The following MYO15A variants were observed in gnomAD, a reference collection of about 807,000 sequenced individuals.
MYO15A encodes the protein unconventional myosin-XV.
Under a neutral mutation model 394.6 loss-of-function variants are expected in MYO15A, and 308 were observed. The ratio of observed to expected loss-of-function variants is 0.78; its 90% CI spans 0.71 to 0.86. The LOEUF (loss-of-function observed/expected upper bound fraction) is 0.86, where lower values mean the gene tolerates loss of function less well. MYO15A is among the 40% of genes least tolerant of loss of function. The pLI is 0.00. For synonymous variants in MYO15A, 1,957 were observed against 2,003.8 expected (o/e 0.98, Z 0.62); for missense variants, 4,606 against 4,799.1 (o/e 0.96, Z 1.19).
chr17:18,141,888 G>A (rs1016367883), intron 23 of MYO15A, 118 bp downstream of exon 23: 24 of 1,250,572 alleles, frequency 1.9e-5, no homozygotes, highest in Non-Finnish European at 2.8e-5. Context: ...AGATGAGCTT[G>A]GGATATGGAA....
At position 18,137,661 on chromosome 17, in the gene MYO15A, C is replaced by G; in HGVS notation, c.4857C>G (p.Ile1619Met). ...ACCTTCAGTACCTTTTCAACAAGAT[C>G]GTCTTCCAGGAGGAGCAGGTGTGTG... ...NENLQYLFNK[I>M]VFQEEQEEYI... The change falls in exon 16 of 66, where the codon ATC becomes ATG. Residue 1619 changes from isoleucine (I) to methionine (M), a missense_variant. This residue lies in a region of MYO15A where 2,776 missense variants were observed against 3,109.3 expected (regional missense o/e 0.89). Transcript: ENST00000647165. 1 of 1,614,138 alleles carries G rather than the reference C, an allele frequency of 6.2e-7. No individual in the cohort carries two copies. The highest frequency in any genetic ancestry group is 2.2e-5 in the East Asian group (1 of 44,876).
In MYO15A at chr17:18,141,019, G is replaced by A. The variant is rs1303083059; in HGVS notation, c.5407G>A (p.Glu1803Lys). 4 of 1,613,900 alleles carry A rather than the reference G, an allele frequency of 2.5e-6. No individual in the cohort carries two copies. The South Asian group carries it at 4.4e-5, about 18-fold the overall frequency. Residue 1803 changes from glutamate (E) to lysine (K), a missense_variant and splice_region_variant, in exon 22 of 66, where the codon GAG becomes AAG. Physicochemically the swap from Glu to Lys is moderately conservative, Grantham distance 56. Coordinates refer to ENST00000647165, the MANE Select transcript of MYO15A (RefSeq NM_016239.4). Reference sequence around the variant, plus strand: ...ACTCCCTCTCTGGGCATCCCTACAGGAGCCAGGTCTCTTTGAGCCAGATGT... The same window carrying A: ...ACTCCCTCTCTGGGCATCCCTACAGAAGCCAGGTCTCTTTGAGCCAGATGT... ...MRCLKPNHKK[E>K]PGLFEPDVVM...
chr17:18,113,919 T>C (rs1020349996), intron 1 of MYO15A, among the ~76,000 whole-genome samples: 2 of 152,122 alleles, frequency 1.3e-5, no homozygotes, highest in East Asian at 3.9e-4. Flanking sequence ...TAGCAGGTCC[T>C]GGAGATCGCT....
rs1394921407 is a variant in MYO15A at position 18,121,077 on chromosome 17, G to A, written c.2277G>A (p.Gly759=). 3 of 1,506,200 alleles carry A rather than the reference G, an allele frequency of 2.0e-6. No individual in the cohort carries two copies. The highest frequency in any genetic ancestry group is 2.6e-5 in the East Asian group (1 of 37,766). The allele number at this position is 1,506,200 out of a possible 1,614,324, so 93.3% of individuals were successfully genotyped here. Residue 759 remains glycine, a synonymous_variant, in exon 2 of 66, where the codon GGG becomes GGA. Coordinates refer to ENST00000647165, the MANE Select transcript of MYO15A (RefSeq NM_016239.4). This position sits in a 1 kb window ranked among gnomAD's most constrained non-coding sequence, Gnocchi z 5.3. ...RRRGAAFGFP[G]ASPRASRRRA... Reference sequence around the variant, plus strand: ...GAGGGGCGGCTTTCGGCTTCCCCGGGGCCTCTCCACGGGCGTCGCGGAGGC... The same window carrying A: ...GAGGGGCGGCTTTCGGCTTCCCCGGAGCCTCTCCACGGGCGTCGCGGAGGC...
At chr17:18,124,966 T>G (rs377198659) in intron 3 of MYO15A, 48 of 630,672 alleles carry the variant, frequency 7.6e-5, no homozygotes, top group South Asian at 7.4e-4. Context: ...GTAGGTACAA[T>G]GATTATCATA....
chr17:18,124,545 G>A lies in MYO15A; in HGVS notation c.3672G>A (p.Val1224=). Reference sequence around the variant, plus strand: ...GTGAGCAGCACGGGGAGGATGGTGTGGAGGACATGACACAGCTGGAGTGAG... The same window carrying A: ...GTGAGCAGCACGGGGAGGATGGTGTAGAGGACATGACACAGCTGGAGTGAG... ...RFREQHGEDG[V]EDMTQLEDLQ... is the part of the protein sequence containing the mutation. Residue 1224 remains valine, a synonymous_variant, in exon 3 of 66, where the codon GTG becomes GTA. Transcript: ENST00000647165. The A allele has an allele frequency of 6.2e-7, 1 of 1,613,214 alleles. No individual in the cohort carries two copies. Among genetic ancestry groups the A allele is most frequent in the South Asian group, 1.1e-5 (1 of 91,068 alleles).
rs1281258234 is a variant in MYO15A at position 18,118,712 on chromosome 17, G to A, written c.-89G>A. 2.5e-6 allele frequency: 4 copies of A among 1,590,040 alleles called. No individual in the cohort carries two copies. Among genetic ancestry groups the A allele is most frequent in the South Asian group, 1.1e-5 (1 of 87,712 alleles). On this transcript the variant is annotated 5_prime_UTR_variant, in exon 2 of 66. Coordinates refer to ENST00000647165, the MANE Select transcript of MYO15A (RefSeq NM_016239.4). ...GCCCGAGGAGGCCGCGTGTCCAGCC[G>A]CGGGCAAGAGACAGAGCAGGTCCCT...
intron 3 of MYO15A, chr17:18,124,944 A>T (rs1287857437): frequency 1.6e-6 from 1 of 611,136 alleles, no homozygotes; most frequent in Non-Finnish European, 2.9e-6. Context: ...TGTCCCCCAA[A>T]CCCCCAATGA....
Position 18,125,148 on chromosome 17 carries a change from T to C in MYO15A, c.3693-20T>C. 1 of 1,613,788 alleles carries C rather than the reference T, an allele frequency of 6.2e-7. No homozygotes were observed. On this transcript the variant is annotated intron_variant, in intron 3 of 65. Coordinates refer to ENST00000647165, the MANE Select transcript of MYO15A (RefSeq NM_016239.4). Reference sequence around the variant, plus strand: ...AACCAGCCCTGGGGGCACTGACGGCTTCTCTCTGTGTCCTTCTAGAGACCT... The same window carrying C: ...AACCAGCCCTGGGGGCACTGACGGCCTCTCTCTGTGTCCTTCTAGAGACCT...
At chr17:18,167,535 C>A in intron 61 of MYO15A, 55 bp from the exon 62 acceptor site, 1 of 1,598,664 alleles carries the variant, frequency 6.3e-7, no homozygotes, top group South Asian at 1.1e-5. Context: ...CCCCTGCAGC[C>A]AAGTGCCTGC....
At chr17:18,159,115 T>C (rs2142392689) in intron 53 of MYO15A, 118 bp downstream of exon 53, 1 of 1,398,300 alleles carries the variant, frequency 7.2e-7, no homozygotes, top group Non-Finnish European at 9.9e-7. Flanking sequence ...CTCAGCACCC[T>C]GATTCCCTCC....
chr17:18,140,101 A>G (rs552129260), intron 19 of MYO15A, among the ~76,000 whole-genome samples: 2 of 152,294 alleles, frequency 1.3e-5, no homozygotes, highest in East Asian at 3.9e-4. Context: ...CATCCCAGCT[A>G]CACTACGGCC....
chr17:18,118,622 C>A lies in MYO15A; in HGVS notation c.-179C>A. 1 of 833,590 alleles carries A rather than the reference C, an allele frequency of 1.2e-6. No individual in the cohort carries two copies. Among genetic ancestry groups the A allele is most frequent in the Non-Finnish European group, 1.8e-6 (1 of 543,308 alleles). The allele number at this position is 833,590 out of a possible 1,614,324, so 51.6% of individuals were successfully genotyped here. Reference sequence around the variant, plus strand: ...GCTCTAGAGGAGATGAATTATGGATCCGCCCTCCCGGAATCCTGGCTCGGC... The same window carrying A: ...GCTCTAGAGGAGATGAATTATGGATACGCCCTCCCGGAATCCTGGCTCGGC... On this transcript the variant is annotated 5_prime_UTR_variant, in exon 2 of 66. Coordinates refer to ENST00000647165, the MANE Select transcript of MYO15A (RefSeq NM_016239.4).
At chr17:18,157,440 T>C (rs993535331) in intron 50 of MYO15A, 4 of 909,642 alleles carry the variant, frequency 4.4e-6, no homozygotes, top group Non-Finnish European at 6.8e-6. Flanking sequence ...GGCATTTCCA[T>C]GTTTGTGGCC....
chr17:18,157,548 A>G, intron 50 of MYO15A, 174 bp from the exon 51 acceptor site: 1 of 1,338,316 alleles, frequency 7.5e-7, no homozygotes, highest in South Asian at 1.5e-5. Context: ...GCCCTGAGAA[A>G]ATCCCTTTCT....
Position 18,120,993 on chromosome 17 carries a change from G to GC in MYO15A, c.2199dup (p.Asp734ArgfsTer246). The GC allele has an allele frequency of 2.7e-6, 4 of 1,504,420 alleles. No individual in the cohort carries two copies. The highest frequency in any genetic ancestry group is 2.1e-5 in the Admixed American group (1 of 48,332). 93.2% of individuals were successfully genotyped at this position (1,504,420 alleles called of 1,614,324 possible). A position where few individuals can be genotyped will look rare whatever the true frequency, so the allele number is the denominator to read the frequency against. ...AGCCCCCTGCCGTGAGCCCGGAGGT[G>GC]CCCCCCGACCTACTAGCCTTCCCAG... On this transcript the variant is annotated frameshift_variant, in exon 2 of 66. Coordinates refer to ENST00000647165, the MANE Select transcript of MYO15A (RefSeq NM_016239.4). LOFTEE classifies it high-confidence loss of function.
intron 65 of MYO15A, 149 bp downstream of exon 65, chr17:18,174,070 T>G: frequency 8.5e-7 from 1 of 1,181,596 alleles, no homozygotes. Flanking sequence ...GAACTGCAGA[T>G]CATTATGGGT....
chr17:18,173,887 C>A lies in MYO15A; in HGVS notation c.10457C>A (p.Ala3486Glu), dbSNP rs876657525. 6.2e-7 allele frequency: 1 copy of A among 1,613,390 alleles called. No homozygotes were observed. The highest frequency in any genetic ancestry group is 8.5e-7 in the Non-Finnish European group (1 of 1,179,916). The stretch of plus-strand genomic sequence containing the variant: ...GTGGAGATTGCGCTGGGGGACGTGG[C>A]GGCCCAGCGCACCTTGCAGCTGCAG... ...PYVEIALGDV[A>E]AQRTLQLQLE... Residue 3486 changes from alanine to glutamate, a missense_variant, in exon 65 of 66, where the codon GCG (alanine) becomes GAG (glutamate). By Grantham distance (107) the Ala-to-Glu change is moderately radical. This residue lies in a region of MYO15A where 2,776 missense variants were observed against 3,109.3 expected (regional missense o/e 0.89). Coordinates refer to ENST00000647165, the MANE Select transcript of MYO15A (RefSeq NM_016239.4).
Position 18,120,242 on chromosome 17 carries a change from C to T in MYO15A, c.1442C>T (p.Pro481Leu), listed in dbSNP as rs1233754674. Residue 481 changes from proline (P) to leucine (L), a missense_variant, in exon 2 of 66, where the codon CCG (proline) becomes CTG (leucine). Physicochemically the swap from Pro to Leu is moderately conservative, Grantham distance 98 (BLOSUM62 -3). This residue lies in a region of MYO15A where 1,830 missense variants were observed against 1,689.7 expected (regional missense o/e 1.08). Coordinates refer to ENST00000647165, the MANE Select transcript of MYO15A (RefSeq NM_016239.4). ...LSLIRKFRLFPRPQVKLFGKE... is the reference protein window; with the variant it reads ...LSLIRKFRLFLRPQVKLFGKE... ...CTCATCCGCAAGTTCCGCCTCTTCC[C>T]GCGACCCCAGGTGAAGCTGTTTGGG... 6.2e-7 allele frequency: 1 copy of T among 1,612,178 alleles called. No individual in the cohort carries two copies. The highest frequency in any genetic ancestry group is 8.5e-7 in the Non-Finnish European group (1 of 1,179,690).
Sources: gnomAD v4.1 joint callset for allele counts (sites outside exome capture counted in the v4.1 genomes callset) on GRCh38, gnomAD v4.1.1 for gene constraint, gnomAD v4.1.1 regional missense constraint, Gnocchi (gnomAD v3.1) non-coding constraint, MANE v1.5 for transcripts, NCBI Gene and HGNC (gene_info 2026-07-23, HGNC 2026-07-21) for gene names.